DTNA: variants seen among roughly 807,000 people sequenced by gnomAD.
DTNA encodes dystrobrevin alpha.
In DTNA, 43 loss-of-function variants were observed where a neutral mutation model predicts 100.7. The observed-to-expected ratio is 0.43, with a 90% CI of 0.33 to 0.55. The LOEUF (loss-of-function observed/expected upper bound fraction) is 0.55, where lower values mean the gene tolerates loss of function less well. DTNA is among the 20% of genes least tolerant of loss of function. The pLI is 0.04. For synonymous variants in DTNA, 349 were observed against 347.9 expected, an observed-to-expected ratio of 1.00 and a Z score of -0.04; for missense variants, 798 against 953.9, an observed-to-expected ratio of 0.84 and a Z score of 2.15.
chr18:34,672,119 G>A lies in DTNA; in HGVS notation c.-1-83857G>A, dbSNP rs1435315454. Among the ~76,000 whole-genome samples, 3 of 152,070 alleles carry A rather than the reference G, an allele frequency of 2.0e-5. No homozygotes were observed. The East Asian group carries it at 5.8e-4, about 29-fold the overall frequency. On this transcript the variant is annotated intron_variant, in intron 1 of 19. Transcript: ENST00000283365. ...TGGGTAAACATTGTTTTCTTGTCCT[G>A]ATCAGCAAAAATACGTGAATCTTTC...
intron 1 of DTNA, among the ~76,000 whole-genome samples, chr18:34,592,142 A>C (rs75458920): frequency 1.3e-3 from 197 of 152,280 alleles, no homozygotes; most frequent in African/African-American, 4.3e-3. Flanking sequence ...AGCCACAGCT[A>C]GCTGAAATTT....
chr18:34,841,876 A>T (rs2096274767), intron 13 of DTNA, among the ~76,000 whole-genome samples: 1 of 152,158 alleles, frequency 6.6e-6, no homozygotes, highest in South Asian at 2.1e-4. Context: ...TACTTAACAC[A>T]CTGGGAAACT....
intron 2 of DTNA, among the ~76,000 whole-genome samples, chr18:34,761,625 C>G (rs1479302187): frequency 2.0e-5 from 3 of 152,172 alleles, no homozygotes; most frequent in Middle Eastern, 3.2e-3. Flanking sequence ...TCTTTGCTGT[C>G]CTATTTATTA....
intron 1 of DTNA, among the ~76,000 whole-genome samples, chr18:34,749,443 T>G (rs1190889405): frequency 6.6e-6 from 1 of 152,074 alleles, no homozygotes; most frequent in Admixed American, 6.6e-5. Flanking sequence ...CAAGAAACTC[T>G]TAGTATAAAT....
At chr18:34,866,496 A>G in intron 17 of DTNA, 1 of 1,178,882 alleles carries the variant, frequency 8.5e-7, no homozygotes, top group Non-Finnish European at 1.1e-6. Context: ...GTCACTAGAG[A>G]TACCCTGAGG....
chr18:34,860,152 A>G (rs1019502135), intron 16 of DTNA, among the ~76,000 whole-genome samples: 97 of 149,302 alleles, frequency 6.5e-4, no homozygotes, highest in Middle Eastern at 3.6e-3. Context: ...GGTTAAAGCA[A>G]TTCTCTGCCT....
rs150036308 is a variant in DTNA at position 34,607,618 on chromosome 18, A to G, written c.-2+114104A>G. ...AGCCCTTCCCCAATACTACAAATAC[A>G]TACTAGGAGACATGGGAGAAAATGT... On this transcript the variant is annotated intron_variant, in intron 1 of 19. Coordinates refer to the DTNA transcript ENST00000283365. Among the ~76,000 whole-genome samples the G allele has an allele frequency of 1.4e-4, 21 of 152,300 alleles. No homozygotes were observed. In the East Asian group the frequency reaches 3.7e-3, roughly 27 times the overall value.
chr18:34,760,927 A>C (rs2093112858), intron 2 of DTNA, among the ~76,000 whole-genome samples: 1 of 151,970 alleles, frequency 6.6e-6, no homozygotes, highest in African/African-American at 2.4e-5. Context: ...AAGCAACTCA[A>C]ACTCTTTAGC....
chr18:34,595,580 A>C (rs2050431407), intron 1 of DTNA, among the ~76,000 whole-genome samples: 1 of 152,186 alleles, frequency 6.6e-6, no homozygotes, highest in Non-Finnish European at 1.5e-5. Flanking sequence ...GTAGTTTTAT[A>C]ATCTATTTCT....
chr18:34,886,147 C>A (rs1035356025), intron 22 of DTNA, among the ~76,000 whole-genome samples: 1 of 152,216 alleles, frequency 6.6e-6, no homozygotes, highest in African/African-American at 2.4e-5. Context: ...GAATAAATAT[C>A]TGTTAAGTGA....
intron 1 of DTNA, among the ~76,000 whole-genome samples, chr18:34,732,421 G>C (rs1379647936): frequency 6.6e-6 from 1 of 152,220 alleles, no homozygotes; most frequent in African/African-American, 2.4e-5. Context: ...CACTGGATTT[G>C]CAGTCACCTT....
At chr18:34,582,308 A>G (rs918316093) in intron 1 of DTNA, among the ~76,000 whole-genome samples, 8 of 152,168 alleles carry the variant, frequency 5.3e-5, no homozygotes, top group African/African-American at 1.7e-4. Flanking sequence ...AGGTGTGTAT[A>G]CTAGAGGCAG....
chr18:34,506,052 C>T (rs1173362010), intron 1 of DTNA, among the ~76,000 whole-genome samples: 1 of 152,206 alleles, frequency 6.6e-6, no homozygotes, highest in Non-Finnish European at 1.5e-5. Context: ...TCCCTTGACA[C>T]CTGAGGGGAC....
At chr18:34,703,214 T>C (rs1338205804) in intron 1 of DTNA, among the ~76,000 whole-genome samples, 1 of 152,166 alleles carries the variant, frequency 6.6e-6, no homozygotes, top group African/African-American at 2.4e-5. Context: ...ATGTAGAGCG[T>C]TCCTACATGT....
In DTNA at chr18:34,891,435, A is replaced by G. The variant is rs2096964027; in HGVS notation, c.*3701A>G. 6.6e-6 allele frequency: 1 copy of G among 152,516 alleles called. No individual in the cohort carries two copies. The highest frequency in any genetic ancestry group is 2.1e-4 in the South Asian group (1 of 4,828). 9.4% of individuals were successfully genotyped at this position (152,516 alleles called of 1,614,324 possible). ...GGTGGTTTATTCCTTTGTTTCAGTG[A>G]ATCTTTCCTAAAGCAACGTGGAGTC... is the stretch of plus-strand genomic sequence containing the variant. On this transcript the variant is annotated 3_prime_UTR_variant, in exon 23 of 23. Transcript: ENST00000444659.
At chr18:34,780,015 T>A (rs572962225) in intron 3 of DTNA, among the ~76,000 whole-genome samples, 1 of 152,300 alleles carries the variant, frequency 6.6e-6, no homozygotes, top group Admixed American at 6.5e-5. Context: ...CTGCATAAAC[T>A]GATATCTGCC....
At chr18:34,774,572 A>G (rs1257656632) in intron 3 of DTNA, among the ~76,000 whole-genome samples, 1 of 152,250 alleles carries the variant, frequency 6.6e-6, no homozygotes, top group Non-Finnish European at 1.5e-5. Flanking sequence ...GCCAAGCATT[A>G]TTCTAGATCA....
At chr18:34,528,367 G>A (rs1040250350) in intron 1 of DTNA, among the ~76,000 whole-genome samples, 2 of 152,012 alleles carry the variant, frequency 1.3e-5, no homozygotes, top group East Asian at 3.9e-4. Context: ...ACAATCATGG[G>A]TTATTCCTAT....
intron 1 of DTNA, among the ~76,000 whole-genome samples, chr18:34,737,457 C>T (rs1358833280): frequency 6.6e-6 from 1 of 152,182 alleles, no homozygotes; most frequent in Non-Finnish European, 1.5e-5. Flanking sequence ...AAAGAGTTCT[C>T]TCCTTTTCTT....
Sources: allele counts gnomAD v4.1 joint callset (sites outside exome capture counted in the v4.1 genomes callset), GRCh38; gene constraint gnomAD v4.1.1; transcripts MANE v1.5; gene names NCBI Gene and HGNC (gene_info 2026-07-23, HGNC 2026-07-21).